Variants in TRPV1 observed in about 807,000 individuals in gnomAD.
TRPV1 encodes the protein OTRPC1.
Under a neutral mutation model 82.3 loss-of-function variants are expected in TRPV1, and 82 were observed. The observed-to-expected ratio is 1.00, with a 90% CI of 0.83 to 1.20. The LOEUF is 1.20. TRPV1 is among the 50% of genes most tolerant of loss of function. TRPV1 has a pLI of 0.00. For missense variants in TRPV1, 1,067 were observed against 1,096.8 expected (o/e 0.97, Z 0.38); for synonymous variants, 515 against 467.7 (o/e 1.10, Z -1.30).
At chr17:3,586,776 TATAAAATAAA>T (rs562119113) in intron 8 of TRPV1, among the ~76,000 whole-genome samples, 225 of 152,066 alleles carry the variant, frequency 1.5e-3, no homozygotes, top group African/African-American at 5.3e-3. Flanking sequence ...TGTCTCAAAA[TATAAAATAAA>T]ATAAAATAAA....
At chr17:3,606,908 G>A (rs191528234) in intron 2 of TRPV1, among the ~76,000 whole-genome samples, 10 of 152,270 alleles carry the variant, frequency 6.6e-5, no homozygotes, top group East Asian at 3.9e-4. Context: ...CTGGGCAGGC[G>A]AGACAGGCTG....
intron 7 of TRPV1, among the ~76,000 whole-genome samples, chr17:3,589,487 T>C (rs1597540454): frequency 2.0e-5 from 3 of 152,118 alleles, no homozygotes; most frequent in African/African-American, 7.2e-5. Context: ...CAAGAGTGAG[T>C]CACCGTGCCC....
At chr17:3,579,491 T>C (rs1245336898) in intron 11 of TRPV1, among the ~76,000 whole-genome samples, 1 of 152,176 alleles carries the variant, frequency 6.6e-6, no homozygotes, top group East Asian at 1.9e-4. Flanking sequence ...ATTTATTTAT[T>C]TAGAGATGGA....
chr17:3,576,741 T>C (rs2074937612), intron 13 of TRPV1, among the ~76,000 whole-genome samples: 2 of 132,410 alleles, frequency 1.5e-5, no homozygotes, highest in Admixed American at 8.2e-5. Flanking sequence ...CCCAGCTACT[T>C]GGGAGGCTGA....
intron 2 of TRPV1, 114 bp from the exon 3 acceptor site, chr17:3,592,497 C>T: frequency 9.4e-7 from 1 of 1,060,328 alleles, no homozygotes; most frequent in East Asian, 2.6e-5. Context: ...AAAACTCCAA[C>T]TTGCTGCTGC....
chr17:3,600,138 TA>T (rs1415499357), intron 2 of TRPV1, among the ~76,000 whole-genome samples: 2 of 152,186 alleles, frequency 1.3e-5, no homozygotes, highest in Non-Finnish European at 2.9e-5. Flanking sequence ...CTGTCATATA[TA>T]AAAGACTCAG....
At chr17:3,579,860 C>T (rs1047657949) in intron 11 of TRPV1, among the ~76,000 whole-genome samples, 4 of 152,196 alleles carry the variant, frequency 2.6e-5, no homozygotes, top group African/African-American at 7.2e-5. Flanking sequence ...TCCGGCACCA[C>T]CCCCCAAAAC....
intron 9 of TRPV1, chr17:3,585,511 C>G (rs911009190): frequency 8.9e-6 from 4 of 447,130 alleles, no homozygotes; most frequent in African/African-American, 7.9e-5. Flanking sequence ...TCACCACACA[C>G]TCAGCCCCAC....
In TRPV1 at chr17:3,583,870, T is replaced by G. The variant is rs117841095; in HGVS notation, c.1384-440A>C. Among the ~76,000 whole-genome samples, 171 of 152,324 alleles carry G rather than the reference T, an allele frequency of 1.1e-3. 4 individuals carry two copies. The East Asian group carries it at 0.026, about 23-fold the overall frequency. ...GGAGAGACTGTGCCACACACACTTG[T>G]GGGTGTCACCCTTGTATTTCAGTGG... On this transcript the variant is annotated intron_variant, in intron 9 of 16. Transcript: ENST00000572705.
At chr17:3,583,782 C>T (rs779615180) in intron 9 of TRPV1, among the ~76,000 whole-genome samples, 7 of 152,220 alleles carry the variant, frequency 4.6e-5, no homozygotes, top group Non-Finnish European at 5.9e-5. Context: ...ATACACATCC[C>T]GCTGCCACCC....
rs145918549 is a variant in TRPV1 at position 3,589,451 on chromosome 17, G to A, written c.1044+356C>T. On this transcript the variant is annotated intron_variant, in intron 7 of 16. Coordinates refer to ENST00000572705, the MANE Select transcript of TRPV1 (RefSeq NM_080704.4). ...TCCTAACCTCAGGTGATCCACCCAC[G>A]TCGGCCTCCCAAAATGCTGGGATTA... 7.1e-3 allele frequency among the ~76,000 whole-genome samples: 1,084 copies of A among 152,056 alleles called. 17 individuals carry two copies. The highest frequency in any genetic ancestry group is 0.024 in the African/African-American group (1,010 of 41,490).
chr17:3,586,191 G>A (rs1436633039), intron 8 of TRPV1, among the ~76,000 whole-genome samples: 1 of 152,200 alleles, frequency 6.6e-6, no homozygotes, highest in African/African-American at 2.4e-5. Flanking sequence ...GCTCTTAAGT[G>A]CTCACTTAAT....
rs2074863626 is a variant in TRPV1, at chr17:3,572,204, T to C, written c.2149A>G (p.Met717Val). 1 of 1,612,278 alleles carries C rather than the reference T, an allele frequency of 6.2e-7. No homozygotes were observed. Among genetic ancestry groups the C allele is most frequent in the Non-Finnish European group, 8.5e-7 (1 of 1,179,236 alleles). Residue 717 changes from methionine (M) to valine (V), a missense_variant, in exon 15 of 17, where the codon ATG becomes GTG. Coordinates refer to ENST00000572705, the MANE Select transcript of TRPV1 (RefSeq NM_080704.4). Reference protein sequence around the residue: ...LDTEKSFLKCMRKAFRSGKLL... With the variant: ...LDTEKSFLKCVRKAFRSGKLL... ...TTGCCTGAGCGGAAGGCCTTCCTCATGCACTTAAGGAAGCTCTTCTCCGTG... is the reference window on the plus strand; with the variant it reads ...TTGCCTGAGCGGAAGGCCTTCCTCACGCACTTAAGGAAGCTCTTCTCCGTG...
At chr17:3,602,600 C>T (rs972283189) in intron 2 of TRPV1, among the ~76,000 whole-genome samples, 1 of 152,144 alleles carries the variant, frequency 6.6e-6, no homozygotes, top group East Asian at 1.9e-4. Flanking sequence ...TTGATGGGAG[C>T]GAGAGGCAGC....
chr17:3,600,408 T>C (rs1317637842), intron 2 of TRPV1, among the ~76,000 whole-genome samples: 1 of 152,056 alleles, frequency 6.6e-6, no homozygotes, highest in Non-Finnish European at 1.5e-5. Context: ...GCCAACATAG[T>C]GGAACCTTGT....
At chr17:3,598,650 C>G (rs900715971) in intron 2 of TRPV1, among the ~76,000 whole-genome samples, 5 of 149,472 alleles carry the variant, frequency 3.3e-5, no homozygotes, top group Non-Finnish European at 1.5e-5. Flanking sequence ...ACTGCAACCT[C>G]TGCCTCCCAG....
chr17:3,576,338 T>TA (rs1222322127), intron 13 of TRPV1, among the ~76,000 whole-genome samples: 1 of 150,926 alleles, frequency 6.6e-6, no homozygotes, highest in Non-Finnish European at 1.5e-5. Context: ...GCCAATATGG[T>TA]AAAACCCCAT....
rs774145606 is a variant in TRPV1, at chr17:3,589,858, G to C, written c.993C>G (p.Asn331Lys). 6.2e-7 allele frequency: 1 copy of C among 1,613,752 alleles called. No homozygotes were observed. Among genetic ancestry groups the C allele is most frequent in the Non-Finnish European group, 8.5e-7 (1 of 1,179,844 alleles). The part of the protein sequence containing the change: ...HPTLKLEELT[N>K]KKGMTPLALA... ...GAGCCAGCGGCGTCATTCCCTTCTT[G>C]TTGGTGAGCTCCTCCAGCTTCAGCG... is the stretch of plus-strand genomic sequence containing the variant. Residue 331 changes from asparagine to lysine, a missense_variant, in exon 7 of 17, where the codon AAC (asparagine) becomes AAG (lysine). Physicochemically the swap from Asn to Lys is moderately conservative, Grantham distance 94. Transcript: ENST00000572705.
In TRPV1 at chr17:3,589,951, G is replaced by T. The variant is rs201881749; in HGVS notation, c.900C>A (p.Ala300=). 6.4e-7 allele frequency: 1 copy of T among 1,568,020 alleles called. No individual in the cohort carries two copies. ...HALVEVADNT[A]DNTKFVTSMY... ...TGCTCGTCACAAACTTCGTGTTGTCGGCCGTGTTGTCGGCCACCTCCACCA... is the reference window on the plus strand; with the variant it reads ...TGCTCGTCACAAACTTCGTGTTGTCTGCCGTGTTGTCGGCCACCTCCACCA... Residue 300 remains alanine (A), a synonymous_variant, in exon 7 of 17, where the codon GCC becomes GCA. Transcript: ENST00000572705.
Sources: gnomAD v4.1 joint callset for allele counts (sites outside exome capture counted in the v4.1 genomes callset) on GRCh38, gnomAD v4.1.1 for gene constraint, MANE v1.5 for transcripts, NCBI Gene and HGNC (gene_info 2026-07-23, HGNC 2026-07-21) for gene names.